PCDHGA11: variants seen among roughly 807,000 people sequenced by gnomAD.
PCDHGA11 encodes the protein protocadherin gamma-A11.
In PCDHGA11, 39 loss-of-function variants were observed where a neutral mutation model predicts 60.4. The ratio of observed to expected loss-of-function variants is 0.65; its 90% CI spans 0.50 to 0.84. The LOEUF (loss-of-function observed/expected upper bound fraction) is 0.84, where lower values mean the gene tolerates loss of function less well. Among genes scored for constraint, PCDHGA11 ranks in the 40% least tolerant of loss-of-function variants. The probability of loss-of-function intolerance (pLI) is 0.00; values close to 1 mark genes in which losing one functional copy is unlikely to be tolerated. For synonymous variants in PCDHGA11, 533 were observed against 510.3 expected (o/e 1.04, Z -0.60); for missense variants, 1,165 against 1,197.7 (o/e 0.97, Z 0.40).
intron 1 of PCDHGA11, 100 bp downstream of exon 1, chr5:141,423,760 G>A: frequency 1.1e-5 from 3 of 279,660 alleles, no homozygotes; most frequent in Non-Finnish European, 1.1e-5. Flanking sequence ...TGGGGGGGGG[G>A]TGGGGCGGCA....
intron 1 of PCDHGA11, among the ~76,000 whole-genome samples, chr5:141,492,685 C>T (rs919981996): frequency 1.3e-5 from 2 of 152,242 alleles, no homozygotes; most frequent in African/African-American, 2.4e-5. Context: ...CAAGGGTCGG[C>T]GACCCCTCAA....
At chr5:141,464,137 C>T (rs1015442185) in intron 1 of PCDHGA11, among the ~76,000 whole-genome samples, 9 of 151,928 alleles carry the variant, frequency 5.9e-5, no homozygotes, top group Non-Finnish European at 7.4e-5. Context: ...TGGTGGTGGG[C>T]GCCTGTAGTC....
chr5:141,495,977 T>C (rs2099765025), intron 2 of PCDHGA11, among the ~76,000 whole-genome samples: 1 of 152,174 alleles, frequency 6.6e-6, no homozygotes, highest in Admixed American at 6.5e-5. Flanking sequence ...TCTGTTACTC[T>C]TTCTTTATCT....
At chr5:141,471,046 C>G (rs960750377) in intron 1 of PCDHGA11, among the ~76,000 whole-genome samples, 3 of 113,280 alleles carry the variant, frequency 2.6e-5, no homozygotes, top group African/African-American at 1.1e-4. Context: ...CCCAAGCCCT[C>G]TTTTTTTTTT....
At chr5:141,494,770 C>A (rs767006872) in intron 1 of PCDHGA11, 37 bp from the exon 2 acceptor site, 14 of 1,613,904 alleles carry the variant, frequency 8.7e-6, no homozygotes, top group Non-Finnish European at 1.1e-5. Flanking sequence ...TAACTTCTCA[C>A]GGGTACTCAG....
chr5:141,506,801 C>A (rs1322016728), intron 3 of PCDHGA11, among the ~76,000 whole-genome samples: 2 of 152,166 alleles, frequency 1.3e-5, no homozygotes, highest in Non-Finnish European at 2.9e-5. Flanking sequence ...GGCAGAGGAT[C>A]AAGGCATTGC....
Position 141,422,436 on chromosome 5 carries a change from C to T in PCDHGA11, c.1209C>T (p.Tyr403=), listed in dbSNP as rs200737047. The T allele has an allele frequency of 1.2e-5, 20 of 1,609,634 alleles. No homozygotes were observed. The East Asian group carries it at 4.0e-4, about 32-fold the overall frequency. The change falls in exon 1 of 4, where the codon TAC becomes TAT. Residue 403 remains tyrosine, a synonymous_variant. Coordinates refer to ENST00000398587, the MANE Select transcript of PCDHGA11 (RefSeq NM_018914.3). ...FKLEKTYGNY[Y]KLITSRVLDR... is the part of the protein sequence containing the mutation. The stretch of plus-strand genomic sequence containing the variant: ...TAGAAAAGACTTATGGAAATTATTA[C>T]AAATTGATAACAAGCAGAGTGCTGG...
rs2099745664 is a variant in PCDHGA11 at position 141,493,015 on chromosome 5, T to A, written c.2434-1792T>A. Among the ~76,000 whole-genome samples, 1 of 152,238 alleles carries A rather than the reference T, an allele frequency of 6.6e-6. No homozygotes were observed. The highest frequency in any genetic ancestry group is 1.5e-5 in the Non-Finnish European group (1 of 68,040). ...ATGGAAAGCTATAGGCTCTGCCAGA[T>A]GCCAGGGTGCCCTTATGTGTGAGGA... On this transcript the variant is annotated intron_variant, in intron 1 of 3. Transcript: ENST00000398587. The surrounding 1 kb of genome is among the most constrained non-coding windows in gnomAD (Gnocchi z 4.3).
intron 2 of PCDHGA11, among the ~76,000 whole-genome samples, chr5:141,502,866 C>CTTTTTCTT (rs2099816520): frequency 1.6e-5 from 2 of 128,030 alleles, no homozygotes; most frequent in African/African-American, 6.2e-5. Flanking sequence ...GACTCTCTGT[C>CTTTTTCTT]TTTTTTTTTT....
At chr5:141,429,169 T>TACATACACACACACACAC (rs369570830) in intron 1 of PCDHGA11, 115 of 145,474 alleles carry the variant, frequency 7.9e-4, no homozygotes, top group African/African-American at 2.1e-3. Flanking sequence ...ACATTGTTTA[T>TACATACACACACACACAC]ACACACACAC....
intron 1 of PCDHGA11, among the ~76,000 whole-genome samples, chr5:141,472,400 G>A (rs2099279115): frequency 6.6e-6 from 1 of 152,024 alleles, no homozygotes; most frequent in East Asian, 1.9e-4. Flanking sequence ...AATTAGCCAG[G>A]CGTGGTGGCA....
rs1373678836 is a variant in PCDHGA11, at chr5:141,477,459, C to T, written c.2434-17348C>T. 6.2e-7 allele frequency: 1 copy of T among 1,614,186 alleles called. No homozygotes were observed. The highest frequency in any genetic ancestry group is 8.5e-7 in the Non-Finnish European group (1 of 1,180,034). On this transcript the variant is annotated intron_variant, in intron 1 of 3. Coordinates refer to ENST00000398587, the MANE Select transcript of PCDHGA11 (RefSeq NM_018914.3). This position sits in a 1 kb window ranked among gnomAD's most constrained non-coding sequence, Gnocchi z 4.9. ...CTTACAATAGTGCGTGTTCAAGTGTCCGACATCAATGACAACCCTCCACAA... is the reference window on the plus strand; with the variant it reads ...CTTACAATAGTGCGTGTTCAAGTGTTCGACATCAATGACAACCCTCCACAA...
Position 141,477,966 on chromosome 5 carries a change from G to A in PCDHGA11, c.2434-16841G>A, listed in dbSNP as rs2099426792. 6.2e-7 allele frequency: 1 copy of A among 1,614,118 alleles called. No individual in the cohort carries two copies. The highest frequency in any genetic ancestry group is 8.5e-7 in the Non-Finnish European group (1 of 1,180,036). ...AGTCTCTTGGGATCCCCTAACCAGAGCCTTTTTGCCATAGGGCTGCACACT... is the reference window on the plus strand; with the variant it reads ...AGTCTCTTGGGATCCCCTAACCAGAACCTTTTTGCCATAGGGCTGCACACT... On this transcript the variant is annotated intron_variant, in intron 1 of 3. Transcript: ENST00000398587. This position sits in a 1 kb window ranked among gnomAD's most constrained non-coding sequence, Gnocchi z 4.9.
At chr5:141,464,134 G>A (rs1270558696) in intron 1 of PCDHGA11, among the ~76,000 whole-genome samples, 1 of 151,944 alleles carries the variant, frequency 6.6e-6, no homozygotes, top group Admixed American at 6.6e-5. Context: ...GTGTGGTGGT[G>A]GGCGCCTGTA....
At position 141,486,092 on chromosome 5, in the gene PCDHGA11, C is replaced by T. The variant is rs2099624294; in HGVS notation, c.2434-8715C>T. The T allele has an allele frequency of 3.7e-6, 6 of 1,614,148 alleles. No homozygotes were observed. In the East Asian group the frequency reaches 1.3e-4, roughly 36 times the overall value. On this transcript the variant is annotated intron_variant, in intron 1 of 3. Coordinates refer to ENST00000398587, the MANE Select transcript of PCDHGA11 (RefSeq NM_018914.3). This position sits in a 1 kb window ranked among gnomAD's most constrained non-coding sequence, Gnocchi z 5.0. Reference sequence around the variant, plus strand: ...TACTGGAAAGCTTACTCTTTTGGGGCCCCTAGACTTTGAGAGTGAGAATTA... The same window carrying T: ...TACTGGAAAGCTTACTCTTTTGGGGTCCCTAGACTTTGAGAGTGAGAATTA...
chr5:141,428,368 C>T, intron 1 of PCDHGA11: 1 of 545,002 alleles, frequency 1.8e-6, no homozygotes, highest in Non-Finnish European at 3.4e-6. Context: ...GGTCGCCTTG[C>T]ACCTGCGATG....
intron 2 of PCDHGA11, among the ~76,000 whole-genome samples, chr5:141,503,681 A>C (rs1313633991): frequency 6.6e-6 from 1 of 152,102 alleles, no homozygotes; most frequent in Non-Finnish European, 1.5e-5. Context: ...ACTTTTGGGA[A>C]GGAGAATTGA....
At chr5:141,467,628 C>G (rs181245841) in intron 1 of PCDHGA11, among the ~76,000 whole-genome samples, 49 of 152,224 alleles carry the variant, frequency 3.2e-4, no homozygotes, top group African/African-American at 1.1e-3. Context: ...TTTGAGATAG[C>G]ATCTTTATCA....
At chr5:141,470,983 C>G (rs1486663328) in intron 1 of PCDHGA11, among the ~76,000 whole-genome samples, 2 of 151,528 alleles carry the variant, frequency 1.3e-5, no homozygotes, top group African/African-American at 4.9e-5. Context: ...TCCCAAAGTG[C>G]TGGGACTACA....
Sources: gnomAD v4.1 joint callset for allele counts (sites outside exome capture counted in the v4.1 genomes callset) on GRCh38, gnomAD v4.1.1 for gene constraint, Gnocchi (gnomAD v3.1) non-coding constraint, MANE v1.5 for transcripts, NCBI Gene and HGNC (gene_info 2026-07-23, HGNC 2026-07-21) for gene names.